Variants in GABRB1 observed in about 807,000 individuals in gnomAD.
GABRB1 encodes the protein gamma-aminobutyric acid type A receptor subunit beta1.
In GABRB1, 17 loss-of-function variants were observed where a neutral mutation model predicts 51.6. The ratio of observed to expected loss-of-function variants is 0.33; its 90% CI spans 0.23 to 0.49. The LOEUF (loss-of-function observed/expected upper bound fraction) is 0.49, where lower values mean the gene tolerates loss of function less well. Among genes scored for constraint, GABRB1 ranks in the 20% least tolerant of loss-of-function variants. GABRB1 has a pLI of 0.99. For missense variants in GABRB1, 410 were observed against 600.6 expected, an observed-to-expected ratio of 0.68 and a Z score of 3.32; for synonymous variants, 247 against 218.9, an observed-to-expected ratio of 1.13 and a Z score of -1.14.
chr4:47,076,465 C>G (rs1727552349), intron 3 of GABRB1, among the ~76,000 whole-genome samples: 1 of 152,122 alleles, frequency 6.6e-6, no homozygotes, highest in African/African-American at 2.4e-5. Flanking sequence ...CAGCCCCAGT[C>G]CAGGCTCTTG....
Position 47,360,186 on chromosome 4 carries a change from G to T in GABRB1, c.544+39977G>T, listed in dbSNP as rs151080691. Among the ~76,000 whole-genome samples the T allele has an allele frequency of 2.2e-3, 339 of 151,988 alleles. 2 individuals are homozygous for T. Among genetic ancestry groups the T allele is most frequent in the Non-Finnish European group, 4.0e-3 (274 of 67,918 alleles). On this transcript the variant is annotated intron_variant, in intron 5 of 8. Transcript: ENST00000295454. ...ATCCGTTTATTATTCTGCTGGTGGA[G>T]TCTGTAGCTACGGAGACATCTGTGA...
chr4:47,008,337 G>T (rs1042284214), intron 1 of GABRB1, among the ~76,000 whole-genome samples: 1 of 152,080 alleles, frequency 6.6e-6, no homozygotes, highest in East Asian at 1.9e-4. Flanking sequence ...TAAATAAGAC[G>T]TGGGCTAGAT....
intron 1 of GABRB1, among the ~76,000 whole-genome samples, chr4:47,009,078 A>G (rs535449012): frequency 1.3e-5 from 2 of 148,472 alleles, no homozygotes; most frequent in South Asian, 4.3e-4. Context: ...GTTAACCAGG[A>G]TGGTCTCCAT....
At chr4:47,258,143 A>G (rs1428503756) in intron 4 of GABRB1, among the ~76,000 whole-genome samples, 1 of 152,122 alleles carries the variant, frequency 6.6e-6, no homozygotes, top group East Asian at 1.9e-4. Flanking sequence ...CTTGCAGTGT[A>G]TCATATTTTT....
At chr4:47,398,898 C>G (rs1728282911) in intron 5 of GABRB1, among the ~76,000 whole-genome samples, 1 of 152,226 alleles carries the variant, frequency 6.6e-6, no homozygotes, top group Non-Finnish European at 1.5e-5. Context: ...TCACGCCATT[C>G]TCCCGCCTCA....
chr4:47,096,535 G>A (rs192922853), intron 3 of GABRB1, among the ~76,000 whole-genome samples: 58 of 152,300 alleles, frequency 3.8e-4, no homozygotes, highest in African/African-American at 1.3e-3. Context: ...CTCGGAACCT[G>A]TGAGTATGTT....
upstream of GABRB1, among the ~76,000 whole-genome samples, chr4:47,028,778 CAT>C (rs964645435): frequency 4.8e-4 from 70 of 146,570 alleles, no homozygotes; most frequent in African/African-American, 1.7e-3. Flanking sequence ...ACATATACAC[CAT>C]ATATATGTAT....
intron 5 of GABRB1, among the ~76,000 whole-genome samples, chr4:47,350,223 A>AGG (rs1726271595): frequency 7.7e-6 from 1 of 129,290 alleles, no homozygotes; most frequent in East Asian, 2.1e-4. Flanking sequence ...ATATATAGAG[A>AGG]GAGAGAGAGA....
At chr4:47,300,839 T>C (rs1724232086) in intron 4 of GABRB1, among the ~76,000 whole-genome samples, 1 of 152,146 alleles carries the variant, frequency 6.6e-6, no homozygotes, top group African/African-American at 2.4e-5. Flanking sequence ...TCTTAATTGA[T>C]TTAAGCTCAA....
rs1560558948 is a variant in GABRB1 at position 47,149,803 on chromosome 4, CTT to C, written c.241-11442_241-11441del. ...CTCACAAAGACATTTCTAGAGTTTT[CTT>C]TTTCTTTTTTTCTCATTATGAAGTA... is the stretch of plus-strand genomic sequence containing the variant. On this transcript the variant is annotated intron_variant, in intron 3 of 8. Coordinates refer to ENST00000295454, the MANE Select transcript of GABRB1 (RefSeq NM_000812.4). 3.3e-5 allele frequency among the ~76,000 whole-genome samples: 5 copies of C among 152,016 alleles called. No homozygotes were observed. The South Asian group carries it at 1.0e-3, about 32-fold the overall frequency.
intron 3 of GABRB1, among the ~76,000 whole-genome samples, chr4:47,050,494 T>C (rs1225180596): frequency 6.6e-6 from 1 of 152,118 alleles, no homozygotes; most frequent in Non-Finnish European, 1.5e-5. Flanking sequence ...AAGAAGCATT[T>C]TGGAAATTTC....
chr4:47,095,488 A>C (rs988621049), intron 3 of GABRB1, among the ~76,000 whole-genome samples: 3 of 152,244 alleles, frequency 2.0e-5, no homozygotes, highest in African/African-American at 7.2e-5. Context: ...CGGCACATGC[A>C]GATGGGGACC....
At chr4:47,153,865 T>C (rs1319652411) in intron 3 of GABRB1, among the ~76,000 whole-genome samples, 6 of 152,004 alleles carry the variant, frequency 3.9e-5, no homozygotes. Flanking sequence ...TTATGTTCCC[T>C]GAAGCACACA....
intron 4 of GABRB1, among the ~76,000 whole-genome samples, chr4:47,205,690 A>T (rs1720089966): frequency 1.3e-5 from 2 of 152,124 alleles, no homozygotes; most frequent in African/African-American, 4.8e-5. Flanking sequence ...TTTGTTAATT[A>T]TCACCAATCT....
At position 47,376,384 on chromosome 4, in the gene GABRB1, C is replaced by A. The variant is rs144059690; in HGVS notation, c.545-26934C>A. On this transcript the variant is annotated intron_variant, in intron 5 of 8. Coordinates refer to ENST00000295454, the MANE Select transcript of GABRB1 (RefSeq NM_000812.4). ...TAGATGGGCCGGGCGCAGTGGCTCACGCCTGTAATCCCAGCACTTTGGGAG... is the reference window on the plus strand; with the variant it reads ...TAGATGGGCCGGGCGCAGTGGCTCAAGCCTGTAATCCCAGCACTTTGGGAG... Among the ~76,000 whole-genome samples, 342 of 152,334 alleles carry A rather than the reference C, an allele frequency of 2.2e-3. 6 individuals carry two copies. Among genetic ancestry groups the A allele is most frequent in the African/African-American group, 7.5e-3 (310 of 41,574 alleles).
chr4:47,079,399 T>C lies in GABRB1; in HGVS notation c.240+46915T>C, dbSNP rs555711344. 1.9e-4 allele frequency among the ~76,000 whole-genome samples: 29 copies of C among 152,308 alleles called. No individual in the cohort carries two copies. In the South Asian group the frequency reaches 6.0e-3, roughly 32 times the overall value. ...TACTAGATTTTCTAGTTTATTTGCA[T>C]AGAGGTGTTTATAGTATTCTCTGAT... On this transcript the variant is annotated intron_variant, in intron 3 of 8. Transcript: ENST00000295454.
chr4:47,292,572 T>G (rs1320694674), intron 4 of GABRB1, among the ~76,000 whole-genome samples: 1 of 152,248 alleles, frequency 6.6e-6, no homozygotes, highest in East Asian at 1.9e-4. Flanking sequence ...TAAAACAATT[T>G]ATGGAAAGCA....
intron 4 of GABRB1, among the ~76,000 whole-genome samples, chr4:47,276,492 C>T (rs1315622824): frequency 3.3e-5 from 5 of 151,916 alleles, no homozygotes; most frequent in African/African-American, 4.8e-5. Context: ...CTGAAATGAC[C>T]CTGTATACTC....
At chr4:47,033,297 C>G (rs1725418846) in intron 3 of GABRB1, among the ~76,000 whole-genome samples, 1 of 152,142 alleles carries the variant, frequency 6.6e-6, no homozygotes, top group South Asian at 2.1e-4. Context: ...TATTTCTTCC[C>G]TCTCTTTTTG....
Sources: allele counts gnomAD v4.1 joint callset (sites outside exome capture counted in the v4.1 genomes callset), GRCh38; gene constraint gnomAD v4.1.1; transcripts MANE v1.5; gene names NCBI Gene and HGNC (gene_info 2026-07-23, HGNC 2026-07-21).